The following CDKL5 variants were observed in gnomAD, a reference collection of about 807,000 sequenced individuals.
CDKL5 encodes the protein cyclin dependent kinase like 5.
In CDKL5, 8 loss-of-function variants were observed where a neutral mutation model predicts 61.7. The observed-to-expected ratio is 0.13, with a 90% confidence interval of 0.08 to 0.23. CDKL5 has a LOEUF of 0.23. CDKL5 is among the 10% of genes least tolerant of loss of function. The pLI is 1.00. For synonymous variants in CDKL5, 275 were observed against 272.3 expected, an observed-to-expected ratio of 1.01 and a Z score of -0.10; for missense variants, 440 against 734.5, an observed-to-expected ratio of 0.60 and a Z score of 4.63.
At chrX:18,652,204 C>T (rs973968685) in intron 21 of CDKL5, among the ~76,000 whole-genome samples, 29 of 111,544 alleles carry the variant, frequency 2.6e-4, no homozygotes, top group African/African-American at 8.8e-4. Context: ...CACACACCAT[C>T]GCCCCATCTT....
At chrX:18,560,586 C>T (rs1019098491) in intron 3 of CDKL5, among the ~76,000 whole-genome samples, 1 of 111,781 alleles carries the variant, frequency 8.9e-6, no homozygotes, top group African/African-American at 3.3e-5. Context: ...GCTGATGATG[C>T]AATTGTGAAC....
chrX:18,554,362 A>G (rs1439149776), intron 3 of CDKL5, among the ~76,000 whole-genome samples: 2 of 102,657 alleles, frequency 1.9e-5, no homozygotes, highest in East Asian at 3.0e-4. Flanking sequence ...AATTTTTAGG[A>G]AAAAAAAAAA....
intron 16 of CDKL5, among the ~76,000 whole-genome samples, chrX:18,624,863 A>G (rs1236607178): frequency 2.7e-5 from 3 of 111,932 alleles, no homozygotes; most frequent in African/African-American, 6.5e-5. Context: ...CAGCATGGGA[A>G]TGCTTTAAGG....
At chrX:18,427,328 G>C (rs1292401632) in intron 1 of CDKL5, among the ~76,000 whole-genome samples, 1 of 97,942 alleles carries the variant, frequency 1.0e-5, no homozygotes, top group East Asian at 3.2e-4. Flanking sequence ...GGCGGGGGTT[G>C]GGGGGGAGGT....
chrX:18,488,442 G>A (rs1921868423), intron 1 of CDKL5, among the ~76,000 whole-genome samples: 2 of 111,584 alleles, frequency 1.8e-5, no homozygotes, highest in African/African-American at 6.5e-5. Context: ...TATGATAAGA[G>A]TGTCTTTTGT....
intron 1 of CDKL5, among the ~76,000 whole-genome samples, chrX:18,479,450 G>T (rs978021262): frequency 1.9e-5 from 2 of 106,393 alleles, no homozygotes; most frequent in Non-Finnish European, 3.9e-5. Context: ...CTCCCTAGTA[G>T]TTGGGACTAC....
chrX:18,525,325 C>T (rs1459328819), intron 3 of CDKL5, among the ~76,000 whole-genome samples: 1 of 111,412 alleles, frequency 9.0e-6, no homozygotes, highest in African/African-American at 3.3e-5. Flanking sequence ...TCTTGAATTC[C>T]TGACCCCAGG....
chrX:18,636,871 C>T lies in CDKL5; in HGVS notation c.*8114C>T, dbSNP rs1927403559. 1 of 112,252 alleles carries T rather than the reference C, an allele frequency of 8.9e-6. No homozygotes were observed. The highest frequency in any genetic ancestry group is 3.7e-4 in the South Asian group (1 of 2,714). 9.3% of individuals were successfully genotyped at this position (112,252 alleles called of 1,213,427 possible). ...CAACAATTTATGTGCCACCTTCCAT[C>T]CCCTTTCCCAGCAGATGGTAATTGA... On this transcript the variant is annotated 3_prime_UTR_variant, in exon 18 of 18. Coordinates refer to ENST00000623535, the MANE Select transcript of CDKL5 (RefSeq NM_001323289.2).
At chrX:18,606,050 G>A (rs937485234) in intron 12 of CDKL5, among the ~76,000 whole-genome samples, 3 of 111,130 alleles carry the variant, frequency 2.7e-5, no homozygotes, top group Non-Finnish European at 3.8e-5. Flanking sequence ...GCGTGGTGGC[G>A]TGTGCCTGTA....
chrX:18,644,301 G>A (rs370497039), downstream of CDKL5: 7 of 607,813 alleles, frequency 1.2e-5, no homozygotes, highest in African/African-American at 6.6e-5. Flanking sequence ...CATTGTGGGG[G>A]AAAGCGCAGA....
At chrX:18,620,454 T>A (rs1926858048) in intron 16 of CDKL5, among the ~76,000 whole-genome samples, 1 of 111,769 alleles carries the variant, frequency 8.9e-6, no homozygotes. Context: ...TATCTGGGAT[T>A]TTAGGGCTTG....
rs1371786498 is a variant in CDKL5 at position 18,604,653 on chromosome X, A to G, written c.1729A>G (p.Met577Val). 3 of 1,211,881 alleles carry G rather than the reference A, an allele frequency of 2.5e-6. No individual in the cohort carries two copies. The change falls in exon 12 of 18, where the codon ATG becomes GTG. Residue 577 changes from methionine to valine, a missense_variant. Met to Val is a conservative substitution (Grantham distance 21). Coordinates refer to ENST00000623535, the MANE Select transcript of CDKL5 (RefSeq NM_001323289.2). ...TMEELKLPEH[M>V]DSSHSHSLSA... ...GGAGGAATTGAAGCTGCCGGAGCAC[A>G]TGGACAGTAGCCATTCCCATTCACT...
rs552975933 is a variant in CDKL5 at position 18,546,410 on chromosome X, C to T, written c.100-18067C>T. ...CCTAGTAGCTGGGATTACAGGCGCCCGCCACCACACCTGGCTAATTTTTGT... is the reference window on the plus strand; with the variant it reads ...CCTAGTAGCTGGGATTACAGGCGCCTGCCACCACACCTGGCTAATTTTTGT... On this transcript the variant is annotated intron_variant, in intron 3 of 17. Transcript: ENST00000623535. 4.3e-3 allele frequency among the ~76,000 whole-genome samples: 470 copies of T among 108,633 alleles called. 2 individuals are homozygous for T. Among genetic ancestry groups the T allele is most frequent in the Middle Eastern group, 0.039 (8 of 207 alleles). 94.3% of individuals were successfully genotyped at this position (108,633 alleles called of 115,157 possible).
chrX:18,453,661 G>A (rs1436533333), intron 1 of CDKL5, among the ~76,000 whole-genome samples: 1 of 111,063 alleles, frequency 9.0e-6, no homozygotes, highest in African/African-American at 3.3e-5. Flanking sequence ...ACTTCTCTGG[G>A]GTAACTGAAT....
chrX:18,438,882 C>T (rs1299170919), intron 1 of CDKL5, among the ~76,000 whole-genome samples: 2 of 109,710 alleles, frequency 1.8e-5, no homozygotes, highest in Non-Finnish European at 3.8e-5. Context: ...GTATTACATG[C>T]TTTGCTTTGA....
intron 1 of CDKL5, among the ~76,000 whole-genome samples, chrX:18,439,467 T>A (rs1379721709): frequency 3.6e-5 from 4 of 110,222 alleles, no homozygotes; most frequent in South Asian, 7.7e-4. Flanking sequence ...TGGAGATAGT[T>A]TTGGTTTTAG....
At position 18,635,881 on chromosome X, in the gene CDKL5, C is replaced by T. The variant is rs1266278177; in HGVS notation, c.*7124C>T. The T allele has an allele frequency of 8.9e-6, 1 of 112,077 alleles. No homozygotes were observed. The highest frequency in any genetic ancestry group is 1.9e-5 in the Non-Finnish European group (1 of 53,347). 9.2% of individuals were successfully genotyped at this position (112,077 alleles called of 1,213,427 possible). On this transcript the variant is annotated 3_prime_UTR_variant, in exon 18 of 18. Transcript: ENST00000623535. Reference sequence around the variant, plus strand: ...CTGTGGCCCATCAGTTCCCTGTCAACATTACTCAGCTCTGCCTTTGTATTG... The same window carrying T: ...CTGTGGCCCATCAGTTCCCTGTCAATATTACTCAGCTCTGCCTTTGTATTG...
At chrX:18,512,782 C>G (rs1922873423) in intron 3 of CDKL5, among the ~76,000 whole-genome samples, 1 of 111,246 alleles carries the variant, frequency 9.0e-6, no homozygotes, top group East Asian at 2.8e-4. Flanking sequence ...AAATGCTATA[C>G]TTTTAATGAC....
At chrX:18,574,528 A>G (rs983668763) in intron 4 of CDKL5, among the ~76,000 whole-genome samples, 1 of 111,729 alleles carries the variant, frequency 9.0e-6, no homozygotes, top group Non-Finnish European at 1.9e-5. Flanking sequence ...TAGAAATATT[A>G]TTTTCATCAC....
Sources: gnomAD v4.1 joint callset for allele counts (sites outside exome capture counted in the v4.1 genomes callset) on GRCh38, gnomAD v4.1.1 for gene constraint, MANE v1.5 for transcripts, NCBI Gene and HGNC (gene_info 2026-07-23, HGNC 2026-07-21) for gene names.